ABHD17B: variants seen among roughly 807,000 people sequenced by gnomAD.
The protein encoded by ABHD17B is abhydrolase domain containing 17B, depalmitoylase.
Under a neutral mutation model 26.2 loss-of-function variants are expected in ABHD17B, and 9 were observed. The observed-to-expected ratio is 0.34, with a 90% confidence interval of 0.21 to 0.60. ABHD17B has a LOEUF of 0.60. Among genes scored for constraint, ABHD17B ranks in the 20% least tolerant of loss-of-function variants. ABHD17B has a pLI of 0.80. For synonymous variants in ABHD17B, 127 were observed against 122.3 expected (o/e 1.04, Z -0.25); for missense variants, 224 against 352.1 (o/e 0.64, Z 2.91).
intron 2 of ABHD17B, among the ~76,000 whole-genome samples, chr9:71,871,759 G>C (rs1272733644): frequency 6.6e-6 from 1 of 152,216 alleles, no homozygotes; most frequent in Non-Finnish European, 1.5e-5. Flanking sequence ...AAAGTCACCA[G>C]TAGATGACAG....
intron 1 of ABHD17B, among the ~76,000 whole-genome samples, chr9:71,896,809 A>T (rs1254588071): frequency 6.6e-6 from 1 of 152,190 alleles, no homozygotes; most frequent in Non-Finnish European, 1.5e-5. Context: ...GACATAGAGA[A>T]AATTGATTAA....
rs576553869 is a variant in ABHD17B at position 71,865,290 on chromosome 9, A to G, written c.*1497T>C. ...GAACGAGCAGAACAATTAAAACTAC[A>G]TAAGGCCTTAAAATATATCCACAGT... On this transcript the variant is annotated 3_prime_UTR_variant, in exon 4 of 4. Transcript: ENST00000333421. 32 of 985,692 alleles carry G rather than the reference A, an allele frequency of 3.2e-5. No individual in the cohort carries two copies. The African/African-American group carries it at 5.2e-4, about 16-fold the overall frequency. 61.1% of individuals were successfully genotyped at this position (985,692 alleles called of 1,614,324 possible).
chr9:71,897,136 T>C (rs548559647), intron 1 of ABHD17B, among the ~76,000 whole-genome samples: 1 of 152,342 alleles, frequency 6.6e-6, no homozygotes, highest in South Asian at 2.1e-4. Flanking sequence ...GTTACAGAAG[T>C]GGCAGCTCCA....
rs374696297 is a variant in ABHD17B at position 71,890,179 on chromosome 9, A to G, written c.-3-15096T>C. On this transcript the variant is annotated intron_variant, in intron 1 of 3. Transcript: ENST00000333421. ...ACGGTGCATGTCTGCAATCCCAGCT[A>G]GTCGGGAGGTTGAGACAGGAGAATA... Among the ~76,000 whole-genome samples the G allele has an allele frequency of 9.9e-5, 15 of 152,272 alleles. 1 individual carries two copies. The highest frequency in any genetic ancestry group is 5.2e-4 in the Admixed American group (8 of 15,298).
At chr9:71,881,506 A>C (rs189126768) in intron 1 of ABHD17B, among the ~76,000 whole-genome samples, 80 of 152,354 alleles carry the variant, frequency 5.3e-4, no homozygotes, top group Admixed American at 3.1e-3. Flanking sequence ...CCAAAATTAA[A>C]AACTTTCATG....
At chr9:71,885,562 A>T (rs1826583723) in intron 1 of ABHD17B, among the ~76,000 whole-genome samples, 1 of 152,026 alleles carries the variant, frequency 6.6e-6, no homozygotes, top group South Asian at 2.1e-4. Context: ...TTCTTCACTT[A>T]CAGCAAGAGC....
intron 3 of ABHD17B, among the ~76,000 whole-genome samples, chr9:71,867,946 C>T (rs1181523649): frequency 1.3e-5 from 2 of 151,842 alleles, no homozygotes. Context: ...GTGGCTCATG[C>T]CTGTAATCTC....
downstream of ABHD17B, among the ~76,000 whole-genome samples, chr9:71,864,213 CTTTTTTTTTTT>C (rs762446648): frequency 7.5e-5 from 6 of 80,396 alleles, no homozygotes; most frequent in Non-Finnish European, 1.1e-4. Context: ...GCCAAACTTT[CTTTTTTTTTTT>C]TTTTTTTTTT....
intron 1 of ABHD17B, among the ~76,000 whole-genome samples, chr9:71,891,642 T>A (rs1826786855): frequency 6.6e-6 from 1 of 152,216 alleles, no homozygotes; most frequent in Admixed American, 6.5e-5. Flanking sequence ...ATAGTCTGAA[T>A]AGGACTGACT....
At chr9:71,888,325 C>G (rs1826672487) in intron 1 of ABHD17B, among the ~76,000 whole-genome samples, 1 of 152,210 alleles carries the variant, frequency 6.6e-6, no homozygotes, top group African/African-American at 2.4e-5. Flanking sequence ...TGTTTTCTCT[C>G]CCTAATCATC....
chr9:71,901,744 T>C (rs903329826), intron 1 of ABHD17B, among the ~76,000 whole-genome samples: 2 of 152,182 alleles, frequency 1.3e-5, no homozygotes, highest in Non-Finnish European at 1.5e-5. Flanking sequence ...GTCTACTTCC[T>C]ATGGACCTCT....
chr9:71,882,509 A>C (rs1826474860), intron 1 of ABHD17B, among the ~76,000 whole-genome samples: 1 of 152,066 alleles, frequency 6.6e-6, no homozygotes, highest in Non-Finnish European at 1.5e-5. Context: ...AAACACAAAA[A>C]TTAGCTGGTG....
In ABHD17B at chr9:71,909,879, T is replaced by G. The variant is rs1209515767; in HGVS notation, c.-4+755A>C. Among the ~76,000 whole-genome samples the G allele has an allele frequency of 6.6e-5, 10 of 152,100 alleles. No individual in the cohort carries two copies. The East Asian group carries it at 1.9e-3, about 29-fold the overall frequency. ...AAGATCAAAGATCTGAACTTTTTTT[T>G]TTTTTAAACAAAAACCCCAGGTTAA... On this transcript the variant is annotated intron_variant, in intron 1 of 3. Coordinates refer to ENST00000333421, the MANE Select transcript of ABHD17B (RefSeq NM_001025780.3).
chr9:71,870,326 A>C, intron 2 of ABHD17B, 64 bp from the exon 3 acceptor site: 1 of 1,390,992 alleles, frequency 7.2e-7, no homozygotes, highest in Non-Finnish European at 9.6e-7. Flanking sequence ...ATGTTCCATC[A>C]TTCCAAAGGA....
At chr9:71,906,681 G>A (rs1002333651) in intron 1 of ABHD17B, among the ~76,000 whole-genome samples, 1 of 152,098 alleles carries the variant, frequency 6.6e-6, no homozygotes, top group Non-Finnish European at 1.5e-5. Flanking sequence ...AGCCAGGCTT[G>A]ATGGTGCATA....
At chr9:71,883,582 A>G (rs921051512) in intron 1 of ABHD17B, among the ~76,000 whole-genome samples, 2 of 152,244 alleles carry the variant, frequency 1.3e-5, no homozygotes, top group Non-Finnish European at 2.9e-5. Context: ...ATTTTTACAC[A>G]ATCCACAAAA....
At chr9:71,884,273 C>T (rs1327681237) in intron 1 of ABHD17B, among the ~76,000 whole-genome samples, 1 of 152,104 alleles carries the variant, frequency 6.6e-6, no homozygotes, top group African/African-American at 2.4e-5. Context: ...ACCAATGACC[C>T]AGAATCTCTC....
intron 3 of ABHD17B, among the ~76,000 whole-genome samples, chr9:71,869,410 C>T (rs1826048413): frequency 6.6e-6 from 1 of 152,086 alleles, no homozygotes; most frequent in Admixed American, 6.5e-5. Flanking sequence ...AATTTGCCAA[C>T]TTATTTCTTG....
chr9:71,888,551 C>T (rs1589223574), intron 1 of ABHD17B, among the ~76,000 whole-genome samples: 1 of 152,190 alleles, frequency 6.6e-6, no homozygotes, highest in South Asian at 2.1e-4. Context: ...TCAATATTAT[C>T]TAGTCAATGT....
Sources: gnomAD v4.1 joint callset for allele counts (sites outside exome capture counted in the v4.1 genomes callset) on GRCh38, gnomAD v4.1.1 for gene constraint, MANE v1.5 for transcripts, NCBI Gene and HGNC (gene_info 2026-07-23, HGNC 2026-07-21) for gene names.